The following NSMCE2 variants were observed in gnomAD, a reference collection of about 807,000 sequenced individuals.
NSMCE2 encodes the protein E3 SUMO-protein ligase NSE2.
In NSMCE2, 24 loss-of-function variants were observed where a neutral mutation model predicts 23.8. The ratio of observed to expected loss-of-function variants is 1.01; its 90% CI spans 0.73 to 1.42. NSMCE2 has a LOEUF of 1.42. Ranked by LOEUF, NSMCE2 falls within the 40% of genes most tolerant of loss-of-function variation. The probability of loss-of-function intolerance (pLI) is 0.00; values close to 1 mark genes in which losing one functional copy is unlikely to be tolerated. For synonymous variants in NSMCE2, 92 were observed against 94.1 expected, an observed-to-expected ratio of 0.98 and a Z score of 0.13; for missense variants, 284 against 296.5, an observed-to-expected ratio of 0.96 and a Z score of 0.31.
At chr8:125,335,608 A>C (rs1284318819) in intron 5 of NSMCE2, among the ~76,000 whole-genome samples, 1 of 152,226 alleles carries the variant, frequency 6.6e-6, no homozygotes, top group African/African-American at 2.4e-5. Flanking sequence ...GTGATACTCC[A>C]TGCAGTGAGG....
intron 5 of NSMCE2, among the ~76,000 whole-genome samples, chr8:125,233,360 A>T (rs890912894): frequency 2.0e-4 from 31 of 152,172 alleles, no homozygotes; most frequent in African/African-American, 7.0e-4. Context: ...TCATAATTTT[A>T]TGTTCTGGTT....
chr8:125,111,104 A>G (rs888189112), intron 3 of NSMCE2, among the ~76,000 whole-genome samples: 3 of 152,186 alleles, frequency 2.0e-5, no homozygotes, highest in African/African-American at 4.8e-5. Context: ...GTTCTGGCTA[A>G]GAATCATCAC....
chr8:125,357,960 C>A, intron 7 of NSMCE2, 142 bp downstream of exon 7: 1 of 638,506 alleles, frequency 1.6e-6, no homozygotes, highest in Non-Finnish European at 2.8e-6. Flanking sequence ...TGGAAGTGGG[C>A]TTTCTGGAAA....
intron 3 of NSMCE2, among the ~76,000 whole-genome samples, chr8:125,141,871 C>T (rs34532295): frequency 0.15 from 22,571 of 152,108 alleles, 2,183 homozygotes; most frequent in Non-Finnish European, 0.21. Flanking sequence ...AACATTTTTC[C>T]CCTCTGCCTA....
intron 5 of NSMCE2, among the ~76,000 whole-genome samples, chr8:125,265,901 T>C (rs1247616523): frequency 6.6e-6 from 1 of 152,194 alleles, no homozygotes; most frequent in African/African-American, 2.4e-5. Context: ...TACTTTTTTT[T>C]CCTGTAAATG....
intron 3 of NSMCE2, among the ~76,000 whole-genome samples, chr8:125,110,913 T>C (rs927618684): frequency 6.6e-6 from 1 of 152,016 alleles, no homozygotes; most frequent in South Asian, 2.1e-4. Flanking sequence ...TCAGGGCCTT[T>C]GTACTGACCC....
At chr8:125,243,749 A>C (rs1825849846) in intron 5 of NSMCE2, among the ~76,000 whole-genome samples, 1 of 152,188 alleles carries the variant, frequency 6.6e-6, no homozygotes. Flanking sequence ...CTCAAAAGAA[A>C]GAGAATTACT....
At chr8:125,293,647 G>C (rs527962721) in intron 5 of NSMCE2, among the ~76,000 whole-genome samples, 1 of 136,920 alleles carries the variant, frequency 7.3e-6, no homozygotes, top group South Asian at 2.9e-4. Context: ...TTATGAGGTT[G>C]CTGAGACTTT....
intron 5 of NSMCE2, among the ~76,000 whole-genome samples, chr8:125,334,369 G>A (rs1057197317): frequency 1.3e-5 from 2 of 152,142 alleles, no homozygotes; most frequent in Non-Finnish European, 2.9e-5. Context: ...TGAGAACAGC[G>A]CTGAGGCAAG....
intron 3 of NSMCE2, among the ~76,000 whole-genome samples, chr8:125,135,352 A>G (rs985494067): frequency 2.0e-5 from 3 of 152,172 alleles, no homozygotes; most frequent in African/African-American, 7.2e-5. Flanking sequence ...TGCTTGGCTC[A>G]AACAGATTCT....
chr8:125,195,361 T>C (rs1329154781), intron 5 of NSMCE2, among the ~76,000 whole-genome samples: 2 of 152,206 alleles, frequency 1.3e-5, no homozygotes, highest in Non-Finnish European at 2.9e-5. Context: ...AGTTGTTTAC[T>C]AGGCGCTCTA....
intron 5 of NSMCE2, among the ~76,000 whole-genome samples, chr8:125,211,982 C>T (rs1041121994): frequency 2.0e-5 from 3 of 152,182 alleles, no homozygotes; most frequent in African/African-American, 7.2e-5. Context: ...CAGGTATCCT[C>T]ATTTACTTAC....
intron 5 of NSMCE2, among the ~76,000 whole-genome samples, chr8:125,347,261 G>T (rs1812804776): frequency 1.3e-5 from 2 of 152,278 alleles, no homozygotes; most frequent in South Asian, 4.1e-4. Context: ...GCAAATCCAA[G>T]CAGGCCTCTT....
chr8:125,223,028 C>T (rs1824937899), intron 5 of NSMCE2, among the ~76,000 whole-genome samples: 1 of 151,736 alleles, frequency 6.6e-6, no homozygotes, highest in African/African-American at 2.4e-5. Flanking sequence ...TGCCAGTGCA[C>T]TCCAGCCTGG....
At chr8:125,355,237 A>G (rs1454579886) in intron 5 of NSMCE2, among the ~76,000 whole-genome samples, 2 of 152,208 alleles carry the variant, frequency 1.3e-5, no homozygotes, top group African/African-American at 4.8e-5. Flanking sequence ...ATGCCACACC[A>G]TCTGAACCAG....
chr8:125,115,014 G>T (rs1182128547), intron 3 of NSMCE2, among the ~76,000 whole-genome samples: 1 of 152,030 alleles, frequency 6.6e-6, no homozygotes, highest in Non-Finnish European at 1.5e-5. Context: ...TCCCTCACTG[G>T]ACTGTATGTC....
At chr8:125,109,322 T>A (rs1424308743) in intron 3 of NSMCE2, among the ~76,000 whole-genome samples, 1 of 152,210 alleles carries the variant, frequency 6.6e-6, no homozygotes, top group Non-Finnish European at 1.5e-5. Context: ...AGAATAGTAG[T>A]AAGTGCTCAG....
intron 3 of NSMCE2, among the ~76,000 whole-genome samples, chr8:125,134,699 G>A (rs1194376577): frequency 6.8e-6 from 1 of 146,702 alleles, no homozygotes; most frequent in Non-Finnish European, 1.5e-5. Flanking sequence ...TTTCCTTCCA[G>A]CCTCTTTGTT....
intron 3 of NSMCE2, among the ~76,000 whole-genome samples, chr8:125,106,028 A>G (rs2130386383): frequency 1.4e-5 from 2 of 138,856 alleles, no homozygotes; most frequent in East Asian, 4.0e-4. Context: ...GTATATGAAT[A>G]CATGCGTGTG....
Sources: gnomAD v4.1 joint callset for allele counts (sites outside exome capture counted in the v4.1 genomes callset) on GRCh38, gnomAD v4.1.1 for gene constraint, MANE v1.5 for transcripts, NCBI Gene and HGNC (gene_info 2026-07-23, HGNC 2026-07-21) for gene names.